The following NRXN1 variants were observed in gnomAD, a reference collection of about 807,000 sequenced individuals.
The protein encoded by NRXN1 is neurexin 1.
A neutral mutation model predicts 150.9 loss-of-function variants in NRXN1; 39 were observed. The observed-to-expected ratio is 0.26, with a 90% CI of 0.20 to 0.34. The LOEUF (loss-of-function observed/expected upper bound fraction) is 0.34, where lower values mean the gene tolerates loss of function less well. Ranked by LOEUF, NRXN1 falls within the 10% of genes least tolerant of loss-of-function variation. The pLI is 1.00. For synonymous variants in NRXN1, 924 were observed against 757.0 expected (o/e 1.22, Z -3.62); for missense variants, 1,815 against 1,949.9 (o/e 0.93, Z 1.30).
chr2:51,023,446 C>G (rs982378643), intron 2 of NRXN1, among the ~76,000 whole-genome samples: 2 of 152,200 alleles, frequency 1.3e-5, no homozygotes, highest in Admixed American at 6.5e-5. Flanking sequence ...CATCAGAATT[C>G]TGTTCCTCTG....
intron 12 of NRXN1, among the ~76,000 whole-genome samples, chr2:50,512,692 G>T (rs1043947236): frequency 6.6e-6 from 1 of 152,234 alleles, no homozygotes; most frequent in Non-Finnish European, 1.5e-5. Context: ...TTACCTAATT[G>T]TCTGGCCAAA....
chr2:50,439,447 A>C (rs1223534807), intron 17 of NRXN1, among the ~76,000 whole-genome samples: 1 of 152,216 alleles, frequency 6.6e-6, no homozygotes, highest in Non-Finnish European at 1.5e-5. Context: ...TTATACATGC[A>C]GTAGCAGTTC....
At chr2:50,188,533 T>C (rs1432062418) in intron 18 of NRXN1, among the ~76,000 whole-genome samples, 1 of 152,064 alleles carries the variant, frequency 6.6e-6, no homozygotes, top group African/African-American at 2.4e-5. Context: ...GGGATCTAAT[T>C]AAACTAAACA....
chr2:50,318,488 G>T (rs1490563199), intron 17 of NRXN1, among the ~76,000 whole-genome samples: 2 of 151,934 alleles, frequency 1.3e-5, no homozygotes, highest in Non-Finnish European at 2.9e-5. Context: ...CATGAAACAG[G>T]GTTCAAGGAG....
intron 22 of NRXN1, among the ~76,000 whole-genome samples, chr2:49,936,141 A>G (rs1670989332): frequency 6.6e-6 from 1 of 152,234 alleles, no homozygotes; most frequent in South Asian, 2.1e-4. Flanking sequence ...TTTCTGTATC[A>G]GCAGCCATCT....
rs4032305 is a variant in NRXN1, at chr2:50,086,845, A to AGAGAGAAG, written c.3718+4477_3718+4478insCTTCTCTC. On this transcript the variant is annotated intron_variant, in intron 19 of 22. Coordinates refer to ENST00000401669, the MANE Select transcript of NRXN1 (RefSeq NM_001330078.2). ...ATGAGAGAGAGAGAGAGAGAGAGAG[A>AGAGAGAAG]GAGAGCGAGCCGAAAATGCGGGCAT... Among the ~76,000 whole-genome samples the AGAGAGAAG allele has an allele frequency of 8.6e-3, 1,293 of 150,926 alleles. 21 individuals carry two copies. The highest frequency in any genetic ancestry group is 0.03 in the African/African-American group (1,232 of 40,466).
chr2:49,936,241 T>C (rs2104283455), intron 22 of NRXN1, among the ~76,000 whole-genome samples: 1 of 152,352 alleles, frequency 6.6e-6, no homozygotes, highest in African/African-American at 2.4e-5. Context: ...AATCATATGT[T>C]AGTTAAAACA....
chr2:50,598,291 G>T (rs1488637539), intron 8 of NRXN1, among the ~76,000 whole-genome samples: 1 of 151,980 alleles, frequency 6.6e-6, no homozygotes, highest in Non-Finnish European at 1.5e-5. Flanking sequence ...ACAGAGGAGG[G>T]AAACAGCCCT....
chr2:50,900,381 C>T (rs1011671586), intron 5 of NRXN1, among the ~76,000 whole-genome samples: 3 of 152,036 alleles, frequency 2.0e-5, no homozygotes, highest in Non-Finnish European at 2.9e-5. Context: ...TTCTAGAACC[C>T]GTAGTATGTA....
intron 18 of NRXN1, among the ~76,000 whole-genome samples, chr2:50,205,797 T>C (rs1339232424): frequency 1.3e-5 from 2 of 152,270 alleles, no homozygotes; most frequent in East Asian, 1.9e-4. Context: ...TACTGATACA[T>C]GTTACAACAT....
At chr2:50,430,831 C>A (rs960230387) in intron 17 of NRXN1, among the ~76,000 whole-genome samples, 1 of 152,120 alleles carries the variant, frequency 6.6e-6, no homozygotes, top group Non-Finnish European at 1.5e-5. Context: ...CCTTTTGATT[C>A]TTCTCATTTG....
intron 2 of NRXN1, among the ~76,000 whole-genome samples, chr2:50,947,730 G>A (rs957483448): frequency 5.3e-5 from 8 of 151,962 alleles, no homozygotes; most frequent in African/African-American, 1.4e-4. Flanking sequence ...TTAGGCAAAG[G>A]TACGTATCCA....
chr2:49,925,013 C>T (rs1338475380), intron 22 of NRXN1, among the ~76,000 whole-genome samples: 1 of 151,880 alleles, frequency 6.6e-6, no homozygotes, highest in African/African-American at 2.4e-5. Flanking sequence ...ATGTGTTGGT[C>T]GGGTGTGGTG....
At chr2:50,689,870 G>GTA (rs1252350980) in intron 5 of NRXN1, among the ~76,000 whole-genome samples, 1 of 147,636 alleles carries the variant, frequency 6.8e-6, no homozygotes, top group Non-Finnish European at 1.5e-5. Context: ...GTGTGTGTGT[G>GTA]TGTGTGTGTG....
chr2:50,429,277 G>T (rs2084755898), intron 17 of NRXN1, among the ~76,000 whole-genome samples: 1 of 151,628 alleles, frequency 6.6e-6, no homozygotes, highest in African/African-American at 2.4e-5. Flanking sequence ...TTTCTTTTGA[G>T]ACGGAGTCCT....
intron 5 of NRXN1, among the ~76,000 whole-genome samples, chr2:50,810,210 A>G (rs1418119006): frequency 6.6e-6 from 1 of 152,122 alleles, no homozygotes; most frequent in Admixed American, 6.6e-5. Context: ...TTTCTTTAAT[A>G]TGGTAAAGGT....
chr2:50,100,699 G>C (rs1700866009), intron 18 of NRXN1, among the ~76,000 whole-genome samples: 1 of 152,048 alleles, frequency 6.6e-6, no homozygotes, highest in Non-Finnish European at 1.5e-5. Context: ...GATAGCTGTA[G>C]AATAAAATAA....
At chr2:50,084,216 C>T (rs1318054619) in intron 19 of NRXN1, among the ~76,000 whole-genome samples, 3 of 152,230 alleles carry the variant, frequency 2.0e-5, no homozygotes, top group Non-Finnish European at 4.4e-5. Context: ...GAGCTGCCTG[C>T]CAGTCCGGCG....
At chr2:50,139,324 C>T (rs1224093701) in intron 18 of NRXN1, among the ~76,000 whole-genome samples, 1 of 77,400 alleles carries the variant, frequency 1.3e-5, no homozygotes, top group East Asian at 4.2e-4. Context: ...GACTTGGTAT[C>T]AAAAAAAAAA....
Sources: allele counts gnomAD v4.1 joint callset (sites outside exome capture counted in the v4.1 genomes callset), GRCh38; gene constraint gnomAD v4.1.1; transcripts MANE v1.5; gene names NCBI Gene and HGNC (gene_info 2026-07-23, HGNC 2026-07-21).